Variants in GRIA1 observed in about 807,000 individuals in gnomAD.
GRIA1 encodes glutamate ionotropic receptor AMPA type subunit 1.
A neutral mutation model predicts 99.2 loss-of-function variants in GRIA1; 31 were observed. That is an observed-to-expected ratio of 0.31 (90% confidence interval 0.23 to 0.42). The LOEUF (loss-of-function observed/expected upper bound fraction) is 0.42. GRIA1 is among the 10% of genes least tolerant of loss of function. GRIA1 has a pLI of 1.00. For missense variants in GRIA1, 782 were observed against 1,157.5 expected, an observed-to-expected ratio of 0.68 and a Z score of 4.71; for synonymous variants, 438 against 432.4, an observed-to-expected ratio of 1.01 and a Z score of -0.16.
intron 4 of GRIA1, among the ~76,000 whole-genome samples, chr5:153,651,349 G>A (rs1754560753): frequency 1.3e-5 from 2 of 152,218 alleles, no homozygotes; most frequent in Admixed American, 1.3e-4. Flanking sequence ...TCTATAAACA[G>A]GCATTGTAAC....
chr5:153,592,836 A>G (rs1333371253), intron 2 of GRIA1, among the ~76,000 whole-genome samples: 1 of 152,174 alleles, frequency 6.6e-6, no homozygotes, highest in Non-Finnish European at 1.5e-5. Context: ...CTTGGCAAAG[A>G]CCTGCTTCCT....
chr5:153,720,522 G>C (rs762066290), intron 11 of GRIA1, among the ~76,000 whole-genome samples: 1 of 152,222 alleles, frequency 6.6e-6, no homozygotes, highest in Admixed American at 6.5e-5. Flanking sequence ...TTTAGGCAAT[G>C]TTTGCTCAAT....
intron 7 of GRIA1, among the ~76,000 whole-genome samples, chr5:153,678,963 TCAAA>T (rs60852854): frequency 0.013 from 1,980 of 152,206 alleles, 20 homozygotes; most frequent in South Asian, 0.024. Context: ...CTCTGAAAAT[TCAAA>T]CAGTCTAATT....
chr5:153,659,306 G>A (rs1361169505), intron 5 of GRIA1, among the ~76,000 whole-genome samples: 2 of 152,180 alleles, frequency 1.3e-5, no homozygotes, highest in Non-Finnish European at 2.9e-5. Flanking sequence ...TTTTATAGGA[G>A]AGATATGTAT....
intron 2 of GRIA1, among the ~76,000 whole-genome samples, chr5:153,496,559 G>T (rs1207060853): frequency 6.6e-6 from 1 of 152,164 alleles, no homozygotes; most frequent in African/African-American, 2.4e-5. Flanking sequence ...GGGGTACTGG[G>T]CAAGTTAGGT....
chr5:153,618,855 C>G (rs1766763372), intron 2 of GRIA1, among the ~76,000 whole-genome samples: 1 of 152,254 alleles, frequency 6.6e-6, no homozygotes, highest in South Asian at 2.1e-4. Flanking sequence ...ATATTATGCT[C>G]TTTTTATAAA....
chr5:153,606,929 C>G (rs1561683993), intron 2 of GRIA1, among the ~76,000 whole-genome samples: 1 of 103,910 alleles, frequency 9.6e-6, no homozygotes, highest in Admixed American at 1.1e-4. Flanking sequence ...ATTTTCTTTT[C>G]TTACAATACC....
chr5:153,620,389 C>A (rs1766924595), intron 2 of GRIA1, among the ~76,000 whole-genome samples: 1 of 151,990 alleles, frequency 6.6e-6, no homozygotes, highest in Admixed American at 6.6e-5. Context: ...AACACCAAAT[C>A]ATTTGAGTGC....
intron 7 of GRIA1, among the ~76,000 whole-genome samples, chr5:153,685,544 G>C (rs767114270): frequency 6.6e-6 from 1 of 152,118 alleles, no homozygotes; most frequent in Non-Finnish European, 1.5e-5. Context: ...GTGCTTTGAA[G>C]TTTTCACACC....
At chr5:153,736,836 T>A (rs1325331248) in intron 11 of GRIA1, among the ~76,000 whole-genome samples, 1 of 152,102 alleles carries the variant, frequency 6.6e-6, no homozygotes, top group African/African-American at 2.4e-5. Context: ...AAACTCCATC[T>A]CTCCTTCCAC....
intron 11 of GRIA1, 75 bp from the exon 12 acceptor site, chr5:153,764,359 C>T (rs1763374848): frequency 1.5e-5 from 17 of 1,114,700 alleles, no homozygotes; most frequent in East Asian, 2.4e-5. Context: ...AGCCCCGGAC[C>T]CGTGCTCAGT....
intron 2 of GRIA1, among the ~76,000 whole-genome samples, chr5:153,515,415 A>T (rs1222726542): frequency 6.6e-6 from 1 of 152,220 alleles, no homozygotes; most frequent in Non-Finnish European, 1.5e-5. Flanking sequence ...CATATGTGAA[A>T]TCTAAAAGCA....
intron 2 of GRIA1, among the ~76,000 whole-genome samples, chr5:153,510,374 C>T (rs994159013): frequency 6.6e-6 from 1 of 152,134 alleles, no homozygotes; most frequent in East Asian, 1.9e-4. Context: ...ACTTTTCAAG[C>T]TTTCTTGCCT....
Position 153,705,240 on chromosome 5 carries a change from G to C in GRIA1, c.1453-457G>C, listed in dbSNP as rs150460858. Among the ~76,000 whole-genome samples, 16 of 152,310 alleles carry C rather than the reference G, an allele frequency of 1.1e-4. No homozygotes were observed. In the East Asian group the frequency reaches 2.9e-3, roughly 28 times the overall value. The stretch of plus-strand genomic sequence containing the variant: ...CCCATTTGAGTCCTATGTCATCCCT[G>C]AATGGATGATTCTGGCCAGGGTAGT... On this transcript the variant is annotated intron_variant, in intron 10 of 15. Coordinates refer to ENST00000285900, the MANE Select transcript of GRIA1 (RefSeq NM_000827.4).
rs544487710 is a variant in GRIA1, at chr5:153,532,019, T to C, written c.220+37954T>C. ...AAACTTAATGATTGGAGTCCATATT[T>C]TGACTTCATGTATCTTGGCTTTTTA... On this transcript the variant is annotated intron_variant, in intron 2 of 15. Coordinates refer to ENST00000285900, the MANE Select transcript of GRIA1 (RefSeq NM_000827.4). Among the ~76,000 whole-genome samples, 14 of 152,304 alleles carry C rather than the reference T, an allele frequency of 9.2e-5. No individual in the cohort carries two copies. The East Asian group carries it at 2.7e-3, about 29-fold the overall frequency.
At chr5:153,696,747 T>C (rs182999325) in intron 8 of GRIA1, among the ~76,000 whole-genome samples, 3 of 152,310 alleles carry the variant, frequency 2.0e-5, no homozygotes, top group Admixed American at 1.3e-4. Context: ...CTTTTTCCTT[T>C]GTATCTAGAG....
At chr5:153,631,216 T>C (rs555765065) in intron 2 of GRIA1, among the ~76,000 whole-genome samples, 9 of 152,342 alleles carry the variant, frequency 5.9e-5, no homozygotes, top group South Asian at 4.1e-4. Flanking sequence ...AATGATTAGA[T>C]ACAGTGTTGT....
At chr5:153,721,422 T>C (rs2149540409) in intron 11 of GRIA1, among the ~76,000 whole-genome samples, 1 of 152,270 alleles carries the variant, frequency 6.6e-6, no homozygotes, top group South Asian at 2.1e-4. Flanking sequence ...CCCAACTAAT[T>C]TTCAGAAAAC....
At chr5:153,564,746 CAGAG>C (rs149152705) in intron 2 of GRIA1, among the ~76,000 whole-genome samples, 9 of 151,532 alleles carry the variant, frequency 5.9e-5, no homozygotes, top group African/African-American at 1.7e-4. Flanking sequence ...AGGATGAAGA[CAGAG>C]AGAGAGAGAG....
Sources: gnomAD v4.1 joint callset for allele counts (sites outside exome capture counted in the v4.1 genomes callset) on GRCh38, gnomAD v4.1.1 for gene constraint, MANE v1.5 for transcripts, NCBI Gene and HGNC (gene_info 2026-07-23, HGNC 2026-07-21) for gene names.